ANXA10: variants seen among roughly 807,000 people sequenced by gnomAD.
ANXA10 encodes the protein annexin 14.
A neutral mutation model predicts 53.5 loss-of-function variants in ANXA10; 49 were observed. That is an observed-to-expected ratio of 0.92 (90% confidence interval 0.73 to 1.16). The LOEUF (loss-of-function observed/expected upper bound fraction) is 1.16, where lower values mean the gene tolerates loss of function less well. Among genes scored for constraint, ANXA10 ranks in the 50% most tolerant of loss-of-function variants. The pLI is 0.00. For synonymous variants in ANXA10, 131 were observed against 128.9 expected (o/e 1.02, Z -0.11); for missense variants, 393 against 394.4 (o/e 1.00, Z 0.03).
chr4:168,180,671 G>C (rs1189701474), intron 9 of ANXA10, among the ~76,000 whole-genome samples: 1 of 152,186 alleles, frequency 6.6e-6, no homozygotes, highest in Non-Finnish European at 1.5e-5. Flanking sequence ...TGAAAGAAAA[G>C]ATGAGGGTAT....
chr4:168,102,138 T>C (rs1348073051), intron 1 of ANXA10, among the ~76,000 whole-genome samples: 1 of 152,128 alleles, frequency 6.6e-6, no homozygotes, highest in Non-Finnish European at 1.5e-5. Flanking sequence ...TTTTCTAAAG[T>C]TACTTAGGGC....
In ANXA10 at chr4:168,187,412, C is replaced by T. The variant is rs181214351; in HGVS notation, c.953C>T (p.Ala318Val). 9.5e-5 allele frequency: 152 copies of T among 1,596,136 alleles called. 1 individual carries two copies. In the Admixed American group the frequency reaches 2.5e-3, roughly 26 times the overall value. ...AAGAAAGCACTGCTTGCCATCTGTG[C>T]TGGTGATGCTGAGGACTACTAAAAT... ...HYKKALLAICAGDAEDY is the reference protein window; with the variant it reads ...HYKKALLAICVGDAEDY The change falls in exon 12 of 12, where the codon GCT becomes GTT. Residue 318 changes from alanine to valine, a missense_variant. By Grantham distance (64) the Ala-to-Val change is moderately conservative. Transcript: ENST00000359299.
chr4:168,166,013 C>T lies in ANXA10; in HGVS notation c.480+687C>T, dbSNP rs577824028. 2.3e-4 allele frequency among the ~76,000 whole-genome samples: 35 copies of T among 152,314 alleles called. 1 individual carries two copies. In the South Asian group the frequency reaches 7.2e-3, roughly 32 times the overall value. On this transcript the variant is annotated intron_variant, in intron 6 of 11. Coordinates refer to ENST00000359299, the MANE Select transcript of ANXA10 (RefSeq NM_007193.5). The stretch of plus-strand genomic sequence containing the variant: ...TTCATTTTTAAAACTGCTACATGGG[C>T]TTAGCGCACACTAACATTTCTGAGC...
rs111407339 is a variant in ANXA10, at chr4:168,097,797, C to T, written c.18+5079C>T. On this transcript the variant is annotated intron_variant, in intron 1 of 11. Transcript: ENST00000359299. ...ATTTCATTGACATATAAGATTCATA[C>T]TCACTCTGCAATTACACAAAGTAAT... Among the ~76,000 whole-genome samples the T allele has an allele frequency of 4.8e-3, 725 of 152,174 alleles. 5 individuals carry two copies. Among genetic ancestry groups the T allele is most frequent in the Middle Eastern group, 0.02 (6 of 294 alleles).
chr4:168,094,486 G>T (rs142146898), intron 1 of ANXA10, among the ~76,000 whole-genome samples: 1,558 of 152,148 alleles, frequency 0.01, 10 homozygotes, highest in Middle Eastern at 0.02. Flanking sequence ...AATATTTGAG[G>T]CCAAGCTTAT....
intron 6 of ANXA10, among the ~76,000 whole-genome samples, chr4:168,174,465 C>T (rs1732078941): frequency 6.6e-6 from 1 of 152,176 alleles, no homozygotes; most frequent in Non-Finnish European, 1.5e-5. Flanking sequence ...GCTCACACAT[C>T]CCCTCACTCT....
chr4:168,094,545 A>G (rs1320251854), intron 1 of ANXA10, among the ~76,000 whole-genome samples: 1 of 152,110 alleles, frequency 6.6e-6, no homozygotes. Context: ...TCTGTTGACA[A>G]GTAATTTCTT....
chr4:168,157,171 A>C lies in ANXA10; in HGVS notation c.196-5357A>C, dbSNP rs993694503. On this transcript the variant is annotated intron_variant, in intron 3 of 11. Transcript: ENST00000359299. ...ATGCCAAAATAACATTTTAAAATTA[A>C]AAATTCACAATATTGAGTACAATTT... Among the ~76,000 whole-genome samples the C allele has an allele frequency of 3.3e-5, 5 of 152,306 alleles. No homozygotes were observed. In the East Asian group the frequency reaches 9.6e-4, roughly 29 times the overall value.
chr4:168,100,112 T>C (rs1468363827), intron 1 of ANXA10, among the ~76,000 whole-genome samples: 4 of 152,146 alleles, frequency 2.6e-5, no homozygotes, highest in Non-Finnish European at 5.9e-5. Flanking sequence ...ATAGGTGCAC[T>C]AAACTCAGAA....
rs1732397632 is a variant in ANXA10 at position 168,187,693 on chromosome 4, G to A, written c.*259G>A. On this transcript the variant is annotated 3_prime_UTR_variant, in exon 12 of 12. Coordinates refer to ENST00000359299, the MANE Select transcript of ANXA10 (RefSeq NM_007193.5). ...TGCATGATGGAATAATAGAAAAATT[G>A]CATTGGAATAGATTTTATTTAAATG... 3 of 273,708 alleles carry A rather than the reference G, an allele frequency of 1.1e-5. No individual in the cohort carries two copies. Among genetic ancestry groups the A allele is most frequent in the Admixed American group, 1.1e-4 (2 of 18,988 alleles). 17.0% of individuals were successfully genotyped at this position (273,708 alleles called of 1,614,324 possible).
intron 1 of ANXA10, 75 bp downstream of exon 1, chr4:168,092,793 T>C: frequency 7.3e-7 from 1 of 1,377,670 alleles, no homozygotes; most frequent in South Asian, 1.4e-5. Context: ...TTTGTGTTTT[T>C]TGACGTTTTT....
intron 2 of ANXA10, among the ~76,000 whole-genome samples, chr4:168,134,704 C>T (rs544085342): frequency 1.3e-5 from 2 of 152,204 alleles, no homozygotes; most frequent in South Asian, 4.1e-4. Context: ...TTTCTCTATG[C>T]CTTTTCAGTG....
intron 1 of ANXA10, among the ~76,000 whole-genome samples, chr4:168,120,593 C>T (rs942749755): frequency 7.9e-5 from 12 of 151,892 alleles, no homozygotes; most frequent in African/African-American, 2.7e-4. Context: ...TTGATGACAT[C>T]GCAATGTTAA....
intron 6 of ANXA10, among the ~76,000 whole-genome samples, chr4:168,177,027 G>C (rs1018107570): frequency 6.6e-6 from 1 of 152,048 alleles, no homozygotes; most frequent in Non-Finnish European, 1.5e-5. Context: ...AGAAGCAGAA[G>C]CTACTGTACT....
chr4:168,176,008 A>AT (rs11430146), intron 6 of ANXA10, among the ~76,000 whole-genome samples: 51,627 of 151,968 alleles, frequency 0.34, 10,136 homozygotes, highest in African/African-American at 0.54. Context: ...GTTCAATGTC[A>AT]TCATACTTTT....
At chr4:168,106,242 C>A (rs1385661842) in intron 1 of ANXA10, among the ~76,000 whole-genome samples, 1 of 151,972 alleles carries the variant, frequency 6.6e-6, no homozygotes, top group Non-Finnish European at 1.5e-5. Flanking sequence ...TTTAGGTCAA[C>A]AATAAGTATA....
At chr4:168,162,346 A>C (rs1223043146) in intron 3 of ANXA10, among the ~76,000 whole-genome samples, 182 bp from the exon 4 acceptor site, 8 of 152,228 alleles carry the variant, frequency 5.3e-5, no homozygotes, top group African/African-American at 1.9e-4. Context: ...GGTGAGATCA[A>C]ATCAACAATT....
At chr4:168,162,073 G>A (rs1462923927) in intron 3 of ANXA10, among the ~76,000 whole-genome samples, 2 of 151,988 alleles carry the variant, frequency 1.3e-5, no homozygotes, top group African/African-American at 2.4e-5. Flanking sequence ...ATTTACATAA[G>A]CTGTTTGGCA....
chr4:168,145,829 G>T (rs1336634827), intron 3 of ANXA10, among the ~76,000 whole-genome samples: 2 of 152,148 alleles, frequency 1.3e-5, no homozygotes, highest in Non-Finnish European at 2.9e-5. Context: ...GATAGAGTCA[G>T]AAGTCTTACT....
Sources: allele counts gnomAD v4.1 joint callset (sites outside exome capture counted in the v4.1 genomes callset), GRCh38; gene constraint gnomAD v4.1.1; transcripts MANE v1.5; gene names NCBI Gene and HGNC (gene_info 2026-07-23, HGNC 2026-07-21).